PSMD7: variants seen among roughly 807,000 people sequenced by gnomAD.
The protein encoded by PSMD7 is 26S proteasome non-ATPase regulatory subunit 7.
PSMD7 carries 13 observed loss-of-function variants against 36.4 expected under a neutral mutation model. The ratio of observed to expected loss-of-function variants is 0.36; its 90% CI spans 0.23 to 0.57. The LOEUF (loss-of-function observed/expected upper bound fraction) is 0.57. Among genes scored for constraint, PSMD7 ranks in the 20% least tolerant of loss-of-function variants. The pLI is 0.83. For missense variants in PSMD7, 298 were observed against 393.6 expected (o/e 0.76, Z 2.06); for synonymous variants, 186 against 151.0 (o/e 1.23, Z -1.70).
intron 4 of PSMD7, 62 bp from the exon 5 acceptor site, chr16:74,302,150 C>T (rs2034160922): frequency 3.1e-6 from 4 of 1,289,488 alleles, no homozygotes; most frequent in Non-Finnish European, 4.4e-6. Context: ...GAGAAGAATG[C>T]CTGAAATTAC....
In PSMD7 at chr16:74,296,852, C is replaced by T. The variant is rs2034115832; in HGVS notation, c.-63C>T. The stretch of plus-strand genomic sequence containing the variant: ...CTGGGCCTGAAAGGGTACCGGTGAC[C>T]GCTACTGCTGCCGGTGTTTGCGTGT... On this transcript the variant is annotated 5_prime_UTR_variant, in exon 1 of 7. Transcript: ENST00000219313. The T allele has an allele frequency of 2.6e-6, 4 of 1,565,746 alleles. No individual in the cohort carries two copies. Among genetic ancestry groups the T allele is most frequent in the African/African-American group, 1.3e-5 (1 of 74,292 alleles).
chr16:74,305,138 G>A (rs568454999), intron 6 of PSMD7, 151 bp from the exon 7 acceptor site: 15 of 1,014,602 alleles, frequency 1.5e-5, no homozygotes, highest in Non-Finnish European at 1.8e-5. Flanking sequence ...AATTGATAAC[G>A]AAATCTTTAT....
Position 74,305,658 on chromosome 16 carries a change from G to T in PSMD7, c.900G>T (p.Arg300Ser). The stretch of plus-strand genomic sequence containing the variant: ...AGAAAGAAGAGAGCAAAAAGGATAG[G>T]AAAGAGGACAAGGAGAAAGATAAAG... Reference protein sequence around the residue: ...GQEKEESKKDRKEDKEKDKDK... With the variant: ...GQEKEESKKDSKEDKEKDKDK... The change falls in exon 7 of 7, where the codon AGG (arginine) becomes AGT (serine). Residue 300 changes from arginine (R) to serine (S), a missense_variant. Transcript: ENST00000219313. 5.8e-6 allele frequency: 9 copies of T among 1,551,698 alleles called. No homozygotes were observed. The highest frequency in any genetic ancestry group is 7.8e-6 in the Non-Finnish European group (9 of 1,146,532).
At position 74,305,792 on chromosome 16, in the gene PSMD7, G is replaced by A; in HGVS notation, c.*59G>A. On this transcript the variant is annotated 3_prime_UTR_variant, in exon 7 of 7. Coordinates refer to ENST00000219313, the MANE Select transcript of PSMD7 (RefSeq NM_002811.5). ...TTAAAATCTTACAAACTAAATCAGT[G>A]TGCTGCTAGAGGGTTCTTTTTCACT... 1 of 1,399,062 alleles carries A rather than the reference G, an allele frequency of 7.1e-7. No homozygotes were observed. The highest frequency in any genetic ancestry group is 9.3e-7 in the Non-Finnish European group (1 of 1,079,180). 86.7% of individuals were successfully genotyped at this position (1,399,062 alleles called of 1,614,324 possible). A position where few individuals can be genotyped will look rare whatever the true frequency, so the allele number is the denominator to read the frequency against.
chr16:74,302,272 T>G lies in PSMD7; in HGVS notation c.418T>G (p.Ser140Ala). 1.2e-6 allele frequency: 2 copies of G among 1,614,036 alleles called. No homozygotes were observed. Among genetic ancestry groups the G allele is most frequent in the Non-Finnish European group, 1.7e-6 (2 of 1,179,954 alleles). Residue 140 changes from serine (S) to alanine (A), a missense_variant, in exon 5 of 7, where the codon TCA (serine) becomes GCA (alanine). Transcript: ENST00000219313. ...AGGGCTGCCTACAGAAGCGTACATT[T>G]CAGTGGAAGAAGTCCATGATGTAAG... ...DLGLPTEAYISVEEVHDDGTP... is the reference protein window; with the variant it reads ...DLGLPTEAYIAVEEVHDDGTP...
chr16:74,302,403 G>A, intron 5 of PSMD7, 111 bp downstream of exon 5: 2 of 891,870 alleles, frequency 2.2e-6, no homozygotes, highest in East Asian at 2.6e-5. Flanking sequence ...AACAAAAGAA[G>A]GTAGTTTTTT....
rs764226241 is a variant in PSMD7 at position 74,301,636 on chromosome 16, G to A, written c.341G>A (p.Arg114Lys). 6 of 1,611,474 alleles carry A rather than the reference G, an allele frequency of 3.7e-6. No homozygotes were observed. The African/African-American group carries it at 8.0e-5, about 22-fold the overall frequency. ...NDIAINELMK[R>K]YCPNSVLVII... ...ATTGCCATCAACGAACTCATGAAAAGATACTGTCCTAATTCCGTAAGTGGT... is the reference window on the plus strand; with the variant it reads ...ATTGCCATCAACGAACTCATGAAAAAATACTGTCCTAATTCCGTAAGTGGT... Residue 114 changes from arginine (R) to lysine (K), a missense_variant, in exon 4 of 7, where the codon AGA becomes AAA. Transcript: ENST00000219313.
rs763138715 is a variant in PSMD7 at position 74,301,622 on chromosome 16, C to T, written c.327C>T (p.Asn109=). 3.1e-6 allele frequency: 5 copies of T among 1,612,850 alleles called. No homozygotes were observed. The highest frequency in any genetic ancestry group is 2.2e-5 in the South Asian group (2 of 91,060). ...TACACAAGAATGACATTGCCATCAA[C>T]GAACTCATGAAAAGATACTGTCCTA... ...PKLHKNDIAI[N]ELMKRYCPNS... is the part of the protein sequence containing the mutation. The change falls in exon 4 of 7, where the codon AAC becomes AAT. Residue 109 remains asparagine (N), a synonymous_variant. Transcript: ENST00000219313.
At chr16:74,304,562 T>G in intron 6 of PSMD7, 168 bp downstream of exon 6, 1 of 558,988 alleles carries the variant, frequency 1.8e-6, no homozygotes, top group South Asian at 2.6e-5. Context: ...TTTGTTTTAT[T>G]GTCTGTAAAT....
chr16:74,301,053 T>G lies in PSMD7; in HGVS notation c.168T>G (p.Val56=). Residue 56 remains valine, a splice_region_variant and synonymous_variant, in exon 3 of 7, where the codon GTT becomes GTG. Coordinates refer to ENST00000219313, the MANE Select transcript of PSMD7 (RefSeq NM_002811.5). ...KVLDVSNSFA[V]PFDEDDKDDS... ...ACTAACTTTTTTTTTCCTCTTTAGT[T>G]CCTTTTGATGAAGATGACAAAGACG... is the stretch of plus-strand genomic sequence containing the variant. 2 of 1,606,876 alleles carry G rather than the reference T, an allele frequency of 1.2e-6. No homozygotes were observed. The highest frequency in any genetic ancestry group is 1.7e-6 in the Non-Finnish European group (2 of 1,173,846).
chr16:74,302,349 CTT>C, intron 5 of PSMD7, 57 bp downstream of exon 5: 8 of 1,256,764 alleles, frequency 6.4e-6, no homozygotes, highest in Admixed American at 2.3e-5. Context: ...GGGTGATTAG[CTT>C]TTTTTTTTCA....
At chr16:74,304,591 T>G (rs2034181141) in intron 6 of PSMD7, 197 bp downstream of exon 6, 1 of 497,074 alleles carries the variant, frequency 2.0e-6, no homozygotes. Flanking sequence ...TTGAACTACA[T>G]CAACTGTAAA....
At chr16:74,305,133 A>G in intron 6 of PSMD7, 156 bp from the exon 7 acceptor site, 1 of 958,980 alleles carries the variant, frequency 1.0e-6, no homozygotes, top group Non-Finnish European at 1.5e-6. Context: ...AAGGTAATTG[A>G]TAACGAAATC....
chr16:74,300,529 TG>T (rs2034147641), intron 2 of PSMD7: 1 of 361,250 alleles, frequency 2.8e-6, no homozygotes, highest in African/African-American at 2.0e-5. Flanking sequence ...TGTCAGCCCC[TG>T]CACTAAACTG....
At chr16:74,303,148 A>G (rs1346743022) in intron 5 of PSMD7, among the ~76,000 whole-genome samples, 1 of 152,264 alleles carries the variant, frequency 6.6e-6, no homozygotes, top group Non-Finnish European at 1.5e-5. Context: ...GTGAAGCTCA[A>G]GAAGAATTAG....
At chr16:74,297,080 G>A (rs1014655809) in intron 1 of PSMD7, 92 bp downstream of exon 1, 21 of 1,383,728 alleles carry the variant, frequency 1.5e-5, no homozygotes, top group Non-Finnish European at 1.9e-5. Flanking sequence ...GACGAGCTGG[G>A]GACGCAGATA....
chr16:74,300,956 G>A lies in PSMD7; in HGVS notation c.167-96G>A, dbSNP rs968320525. The A allele has an allele frequency of 4.3e-5, 27 of 629,390 alleles. No homozygotes were observed. In the African/African-American group the frequency reaches 4.4e-4, roughly 10 times the overall value. 39.0% of individuals were successfully genotyped at this position (629,390 alleles called of 1,614,324 possible). A position where few individuals can be genotyped will look rare whatever the true frequency, so the allele number is the denominator to read the frequency against. On this transcript the variant is annotated intron_variant, in intron 2 of 6. Coordinates refer to ENST00000219313, the MANE Select transcript of PSMD7 (RefSeq NM_002811.5). ...ATACTTTGCTGGGCAAGTGAAACAC[G>A]TAAGTGAATCAGAACTGGCCTAGGG...
intron 5 of PSMD7, 77 bp from the exon 6 acceptor site, chr16:74,304,226 G>A: frequency 7.6e-7 from 1 of 1,310,548 alleles, no homozygotes; most frequent in South Asian, 1.2e-5. Context: ...TAAAGCAAAA[G>A]ACTCAGGGTG....
intron 1 of PSMD7, chr16:74,299,728 G>A: frequency 3.1e-6 from 1 of 322,822 alleles, no homozygotes; most frequent in Non-Finnish European, 6.2e-6. Context: ...AAGATTTCAG[G>A]ATGGGAAAAG....
Sources: allele counts gnomAD v4.1 joint callset (sites outside exome capture counted in the v4.1 genomes callset), GRCh38; gene constraint gnomAD v4.1.1; transcripts MANE v1.5; gene names NCBI Gene and HGNC (gene_info 2026-07-23, HGNC 2026-07-21).